FAM163A: variants seen among roughly 807,000 people sequenced by gnomAD.
FAM163A encodes protein FAM163A.
In FAM163A, 7 loss-of-function variants were observed where a neutral mutation model predicts 12.0. The observed-to-expected ratio is 0.58, with a 90% CI of 0.33 to 1.10. FAM163A has a LOEUF of 1.10. FAM163A is among the 50% of genes least tolerant of loss of function. FAM163A has a pLI of 0.03. For missense variants in FAM163A, 202 were observed against 218.6 expected (o/e 0.92, Z 0.48); for synonymous variants, 101 against 91.0 (o/e 1.11, Z -0.62).
intron 1 of FAM163A, among the ~76,000 whole-genome samples, chr1:179,775,332 A>G (rs1688801981): frequency 6.6e-6 from 1 of 152,256 alleles, no homozygotes; most frequent in Non-Finnish European, 1.5e-5. Context: ...CTTCTATGCA[A>G]ACGAAGACTT....
chr1:179,800,558 T>G (rs1000307480), intron 1 of FAM163A, among the ~76,000 whole-genome samples: 11 of 152,196 alleles, frequency 7.2e-5, no homozygotes, highest in Non-Finnish European at 1.3e-4. Flanking sequence ...CCCCAGGCCT[T>G]CCACAGGTGG....
intron 1 of FAM163A, among the ~76,000 whole-genome samples, chr1:179,767,841 A>T (rs1344566508): frequency 1.3e-5 from 2 of 152,186 alleles, no homozygotes; most frequent in African/African-American, 2.4e-5. Flanking sequence ...TTTTTAAAAA[A>T]TTTATTGTGG....
intron 1 of FAM163A, among the ~76,000 whole-genome samples, chr1:179,783,722 A>AAT (rs144589901): frequency 0.24 from 27,691 of 117,490 alleles, 4,548 homozygotes; most frequent in African/African-American, 0.45. Flanking sequence ...ATACTTCCCA[A>AAT]ATTTTATATA....
At chr1:179,738,562 T>C (rs1176292060), upstream of FAM163A, among the ~76,000 whole-genome samples, 2 of 152,104 alleles carry the variant, frequency 1.3e-5, no homozygotes, top group Non-Finnish European at 1.5e-5. Context: ...CTGGTTCAAC[T>C]TTCAAAAATC....
At chr1:179,744,693 C>G (rs928493924) in intron 1 of FAM163A, among the ~76,000 whole-genome samples, 1 of 152,118 alleles carries the variant, frequency 6.6e-6, no homozygotes, top group Non-Finnish European at 1.5e-5. Flanking sequence ...GGCGGAGGCC[C>G]GCAGGCACTT....
upstream of FAM163A, among the ~76,000 whole-genome samples, chr1:179,738,468 A>T (rs1683254823): frequency 6.6e-6 from 1 of 152,208 alleles, no homozygotes; most frequent in Non-Finnish European, 1.5e-5. Context: ...GCTGTGTTTA[A>T]AAAATCTAAA....
intron 1 of FAM163A, among the ~76,000 whole-genome samples, chr1:179,748,532 A>G (rs1192356640): frequency 2.0e-5 from 3 of 152,244 alleles, no homozygotes; most frequent in Non-Finnish European, 2.9e-5. Flanking sequence ...AAGGATGAGC[A>G]AGGCATGGCC....
At chr1:179,777,818 T>C (rs1410466904) in intron 1 of FAM163A, among the ~76,000 whole-genome samples, 1 of 152,326 alleles carries the variant, frequency 6.6e-6, no homozygotes, top group African/African-American at 2.4e-5. Context: ...TGTGATTTGG[T>C]TTAACTGACT....
At chr1:179,773,338 T>C (rs1188146515) in intron 1 of FAM163A, among the ~76,000 whole-genome samples, 1 of 152,100 alleles carries the variant, frequency 6.6e-6, no homozygotes, top group Non-Finnish European at 1.5e-5. Flanking sequence ...GAGCTAAATA[T>C]ACACATGCAC....
intron 1 of FAM163A, among the ~76,000 whole-genome samples, chr1:179,777,200 C>T (rs182301960): frequency 2.4e-3 from 361 of 152,212 alleles, no homozygotes; most frequent in Non-Finnish European, 4.3e-3. Context: ...TGTTTGAGTA[C>T]CTATCTTCTG....
chr1:179,760,654 A>G (rs1307253070), intron 1 of FAM163A, among the ~76,000 whole-genome samples: 1 of 152,204 alleles, frequency 6.6e-6, no homozygotes, highest in East Asian at 1.9e-4. Flanking sequence ...GGGCCAGATC[A>G]TGTCAGCAAA....
At chr1:179,811,200 G>A (rs1319568348) in intron 2 of FAM163A, among the ~76,000 whole-genome samples, 1 of 152,204 alleles carries the variant, frequency 6.6e-6, no homozygotes, top group African/African-American at 2.4e-5. Context: ...GCAGATAAAT[G>A]TATCCTGCAG....
intron 3 of FAM163A, 108 bp from the exon 4 acceptor site, chr1:179,812,968 C>T: frequency 9.8e-7 from 1 of 1,020,088 alleles, no homozygotes; most frequent in Non-Finnish European, 1.5e-6. Flanking sequence ...GCACCTGCTG[C>T]TCTCAGGCCC....
intron 1 of FAM163A, among the ~76,000 whole-genome samples, chr1:179,744,027 T>C (rs1042437690): frequency 3.3e-5 from 5 of 152,136 alleles, no homozygotes; most frequent in African/African-American, 1.2e-4. Flanking sequence ...GTGGGCAGCC[T>C]TGAGACCGGG....
Position 179,816,185 on chromosome 1 carries a change from T to G in FAM163A, c.*1996T>G, listed in dbSNP as rs1347505898. The G allele has an allele frequency of 6.6e-6, 1 of 152,216 alleles. No individual in the cohort carries two copies. Among genetic ancestry groups the G allele is most frequent in the East Asian group, 1.9e-4 (1 of 5,200 alleles). The allele number at this position is 152,216 out of a possible 1,614,324, so 9.4% of individuals were successfully genotyped here. A position where few individuals can be genotyped will look rare whatever the true frequency, so the allele number is the denominator to read the frequency against. On this transcript the variant is annotated 3_prime_UTR_variant, in exon 5 of 5. Transcript: ENST00000341785. ...ATGAAAGACCACAATAAAACAAGAT[T>G]AGCAGCAAAACAATTTTAATTGTCA...
chr1:179,804,161 G>A (rs1571566457), intron 1 of FAM163A: 1 of 152,126 alleles, frequency 6.6e-6, no homozygotes, highest in Non-Finnish European at 1.5e-5. Context: ...AGATGGTAAG[G>A]CTCACATCTG....
upstream of FAM163A, chr1:179,742,727 GTCGAGGCATTGCTTC>G (rs1683806429): frequency 6.6e-6 from 1 of 152,416 alleles, no homozygotes; most frequent in Non-Finnish European, 1.5e-5. Flanking sequence ...TTCTCCTCGT[GTCGAGGCATTGCTTC>G]TCTCCCTTCC....
chr1:179,728,851 T>C, the FAM163A span, among the ~76,000 whole-genome samples: 2 of 152,154 alleles, frequency 1.3e-5, no homozygotes, highest in East Asian at 3.9e-4. Flanking sequence ...GTAGTGCCTT[T>C]CCTCAGAGTG....
chr1:179,795,038 T>C (rs1191417754), intron 1 of FAM163A, among the ~76,000 whole-genome samples: 4 of 151,860 alleles, frequency 2.6e-5, no homozygotes, highest in Non-Finnish European at 5.9e-5. Context: ...GAGAGAAATA[T>C]GCACACGACA....
Sources: allele counts gnomAD v4.1 joint callset (sites outside exome capture counted in the v4.1 genomes callset), GRCh38; gene constraint gnomAD v4.1.1; transcripts MANE v1.5; gene names NCBI Gene and HGNC (gene_info 2026-07-23, HGNC 2026-07-21).